Variants in RNF144A observed in about 807,000 individuals in gnomAD.
RNF144A encodes the protein ring finger protein 144A, also known as E3 ubiquitin-protein ligase RNF144A.
RNF144A carries 11 observed loss-of-function variants against 38.7 expected under a neutral mutation model. The ratio of observed to expected loss-of-function variants is 0.28; its 90% confidence interval spans 0.18 to 0.47. The LOEUF is 0.47. RNF144A is among the 20% of genes least tolerant of loss of function. The probability of loss-of-function intolerance (pLI) is 0.99; values close to 1 mark genes in which losing one functional copy is unlikely to be tolerated. For missense variants in RNF144A, 316 were observed against 377.2 expected (o/e 0.84, Z 1.34); for synonymous variants, 149 against 143.9 (o/e 1.04, Z -0.25).
At chr2:6,969,231 C>A (rs1667851790) in intron 2 of RNF144A, among the ~76,000 whole-genome samples, 1 of 152,128 alleles carries the variant, frequency 6.6e-6, no homozygotes, top group Admixed American at 6.5e-5. Flanking sequence ...AATCCTAACT[C>A]CCAGTACATC....
In RNF144A at chr2:6,958,058, G is replaced by A. The variant is rs372868515; in HGVS notation, c.-12+16911G>A. Among the ~76,000 whole-genome samples the A allele has an allele frequency of 3.9e-5, 6 of 152,226 alleles. No homozygotes were observed. The highest frequency in any genetic ancestry group is 6.5e-5 in the Admixed American group (1 of 15,290). The stretch of plus-strand genomic sequence containing the variant: ...GGAGCTCCAGGGAAGCAGATGGATC[G>A]CCGGAGGGCTGCTGTCACATTGCAT... On this transcript the variant is annotated intron_variant, in intron 2 of 8. Coordinates refer to ENST00000320892, the MANE Select transcript of RNF144A (RefSeq NM_014746.6). This position sits in a 1 kb window ranked among gnomAD's most constrained non-coding sequence, Gnocchi z 4.5.
At chr2:7,057,536 T>C (rs1673787413) in intron 6 of RNF144A, among the ~76,000 whole-genome samples, 1 of 152,238 alleles carries the variant, frequency 6.6e-6, no homozygotes, top group Non-Finnish European at 1.5e-5. Flanking sequence ...TCTCTGATTC[T>C]CAAGTTTTTT....
Position 7,040,792 on chromosome 2 carries a change from A to G in RNF144A, c.*1032A>G. The G allele has an allele frequency of 8.1e-6, 8 of 985,456 alleles. No individual in the cohort carries two copies. The highest frequency in any genetic ancestry group is 9.6e-6 in the Non-Finnish European group (8 of 829,934). 61.0% of individuals were successfully genotyped at this position (985,456 alleles called of 1,614,324 possible). A position where few individuals can be genotyped will look rare whatever the true frequency, so the allele number is the denominator to read the frequency against. On this transcript the variant is annotated 3_prime_UTR_variant, in exon 9 of 9. Coordinates refer to ENST00000320892, the MANE Select transcript of RNF144A (RefSeq NM_014746.6). ...CTAGGGAAGAGCCTGCCAGATTTTC[A>G]CATTTTTAAAATGTTCTAGTCATTT...
rs1671479040 is a variant in RNF144A, at chr2:7,020,813, T to C, written c.509+133T>C. 5 of 724,522 alleles carry C rather than the reference T, an allele frequency of 6.9e-6. No homozygotes were observed. In the South Asian group the frequency reaches 8.5e-5, roughly 12 times the overall value. 44.9% of individuals were successfully genotyped at this position (724,522 alleles called of 1,614,324 possible). A position where few individuals can be genotyped will look rare whatever the true frequency, so the allele number is the denominator to read the frequency against. ...TCAACCCTAACACACACTGTACCTCTTGAGCCTCACTCAAGCCTGTCATTA... is the reference window on the plus strand; with the variant it reads ...TCAACCCTAACACACACTGTACCTCCTGAGCCTCACTCAAGCCTGTCATTA... On this transcript the variant is annotated intron_variant, in intron 6 of 8. Coordinates refer to ENST00000320892, the MANE Select transcript of RNF144A (RefSeq NM_014746.6).
rs1284593793 is a variant in RNF144A, at chr2:7,006,876, G to A, written c.136-7578G>A. 2.6e-5 allele frequency among the ~76,000 whole-genome samples: 4 copies of A among 152,164 alleles called. No homozygotes were observed. The East Asian group carries it at 7.7e-4, about 29-fold the overall frequency. On this transcript the variant is annotated intron_variant, in intron 3 of 8. Transcript: ENST00000320892. ...AAGCATGGGCCTATACCTTGAAGTAGGCTGTCTCTGCACTAGAAATTTGAT... is the reference window on the plus strand; with the variant it reads ...AAGCATGGGCCTATACCTTGAAGTAAGCTGTCTCTGCACTAGAAATTTGAT...
chr2:7,031,299 T>C (rs380605), intron 8 of RNF144A, among the ~76,000 whole-genome samples: 66,110 of 152,112 alleles, frequency 0.43, 15,312 homozygotes, highest in South Asian at 0.76. Context: ...TGGGTACTGC[T>C]GTAGGAGCTG....
chr2:7,076,271 A>G, the RNF144A span, among the ~76,000 whole-genome samples: 1 of 152,342 alleles, frequency 6.6e-6, no homozygotes, highest in Non-Finnish European at 1.5e-5. Context: ...TTGTACTAAA[A>G]TGATACTGCA....
intron 6 of RNF144A, 184 bp downstream of exon 6, chr2:7,020,864 A>C: frequency 4.9e-6 from 3 of 607,258 alleles, no homozygotes; most frequent in Non-Finnish European, 5.8e-6. Context: ...ATTTTTGAGA[A>C]CTGACTATGT....
At chr2:6,987,041 G>A (rs16865777) in intron 2 of RNF144A, among the ~76,000 whole-genome samples, 2 of 152,200 alleles carry the variant, frequency 1.3e-5, no homozygotes, top group South Asian at 4.2e-4. Context: ...ATTCCCGGAT[G>A]GGGGTCAGAA....
In RNF144A at chr2:6,942,930, G is replaced by C. The variant is rs145686283; in HGVS notation, c.-12+1783G>C. On this transcript the variant is annotated intron_variant, in intron 2 of 8. Coordinates refer to ENST00000320892, the MANE Select transcript of RNF144A (RefSeq NM_014746.6). ...ACCTGGGAGGCGGAGGTCGCAGTGA[G>C]CTGAGTTCGTGGCATTGCACTCCAG... Among the ~76,000 whole-genome samples the C allele has an allele frequency of 2.6e-3, 392 of 152,304 alleles. 3 individuals are homozygous for C. Among genetic ancestry groups the C allele is most frequent in the African/African-American group, 8.7e-3 (360 of 41,556 alleles).
At position 7,036,164 on chromosome 2, in the gene RNF144A, A is replaced by G. The variant is rs118132334; in HGVS notation, c.748-3465A>G. 1.1e-3 allele frequency among the ~76,000 whole-genome samples: 160 copies of G among 152,286 alleles called. 1 individual carries two copies. In the East Asian group the frequency reaches 0.017, roughly 16 times the overall value. On this transcript the variant is annotated intron_variant, in intron 8 of 8. Transcript: ENST00000320892. The stretch of plus-strand genomic sequence containing the variant: ...TGCTTGCCGGCCTTTTTCCAGCGCT[A>G]TCCCAGAAATCAGCCATCGTGTGGA...
intron 2 of RNF144A, 121 bp from the exon 3 acceptor site, chr2:6,996,795 C>A (rs11898648): frequency 0.28 from 259,245 of 938,706 alleles, 38,099 homozygotes; most frequent in African/African-American, 0.39. Flanking sequence ...ATGCTCTAGG[C>A]TCCATCAGCA....
In RNF144A at chr2:7,043,625, C is replaced by CA; in HGVS notation, c.*3870dup. On this transcript the variant is annotated 3_prime_UTR_variant, in exon 9 of 9. Coordinates refer to ENST00000320892, the MANE Select transcript of RNF144A (RefSeq NM_014746.6). ...ATGAAGGGATTATGACAGGTATTAC[C>CA]AAAAACACCAAAAGGAACAAAGGGG... is the stretch of plus-strand genomic sequence containing the variant. The CA allele has an allele frequency of 2.0e-6, 2 of 985,670 alleles. No individual in the cohort carries two copies. Among genetic ancestry groups the CA allele is most frequent in the Non-Finnish European group, 2.4e-6 (2 of 829,812 alleles). 61.1% of individuals were successfully genotyped at this position (985,670 alleles called of 1,614,324 possible). A position where few individuals can be genotyped will look rare whatever the true frequency, so the allele number is the denominator to read the frequency against.
intron 6 of RNF144A, among the ~76,000 whole-genome samples, chr2:7,058,478 C>T (rs1347286843): frequency 5.9e-5 from 9 of 151,956 alleles, no homozygotes; most frequent in East Asian, 5.8e-4. Flanking sequence ...CAAATTGTGG[C>T]CATCAACTCT....
intron 6 of RNF144A, among the ~76,000 whole-genome samples, chr2:7,061,773 G>T (rs1301134933): frequency 6.6e-6 from 1 of 152,114 alleles, no homozygotes; most frequent in African/African-American, 2.4e-5. Context: ...AGTTTTTAGA[G>T]GATAATATAA....
rs1220813980 is a variant in RNF144A at position 6,917,824 on chromosome 2, A to G, written c.-212+202A>G. ...GGGACTCGCGGGCTCCGTTCAGAGG[A>G]CGCCCGCCCTGCCCTGCCCGTGTCC... On this transcript the variant is annotated intron_variant, in intron 1 of 8. Coordinates refer to ENST00000320892, the MANE Select transcript of RNF144A (RefSeq NM_014746.6). This position sits in a 1 kb window ranked among gnomAD's most constrained non-coding sequence, Gnocchi z 4.8. Among the ~76,000 whole-genome samples, 8 of 150,130 alleles carry G rather than the reference A, an allele frequency of 5.3e-5. No individual in the cohort carries two copies. In the South Asian group the frequency reaches 6.2e-4, roughly 12 times the overall value.
Position 7,042,457 on chromosome 2 carries a change from G to A in RNF144A, c.*2697G>A. The A allele has an allele frequency of 1.0e-6, 1 of 985,502 alleles. No homozygotes were observed. The highest frequency in any genetic ancestry group is 1.2e-6 in the Non-Finnish European group (1 of 829,954). 61.0% of individuals were successfully genotyped at this position (985,502 alleles called of 1,614,324 possible). On this transcript the variant is annotated 3_prime_UTR_variant, in exon 9 of 9. Coordinates refer to ENST00000320892, the MANE Select transcript of RNF144A (RefSeq NM_014746.6). ...GCATATGGCATGTGTTCACTAAGAG[G>A]CCTTTAATCCTGGGGAGTAAGGGGC... is the stretch of plus-strand genomic sequence containing the variant.
chr2:6,941,844 CAGCTGGAGG>C lies in RNF144A; in HGVS notation c.-12+701_-12+709del, dbSNP rs1472753369. ...AGGGCTGGTGGCTGCAGCATACGGA[CAGCTGGAGG>C]AGCACCCAGGCCAGCCTGGCTGGAA... is the stretch of plus-strand genomic sequence containing the variant. On this transcript the variant is annotated intron_variant, in intron 2 of 8. Coordinates refer to ENST00000320892, the MANE Select transcript of RNF144A (RefSeq NM_014746.6). The surrounding 1 kb of genome is among the most constrained non-coding windows in gnomAD (Gnocchi z 6.5). 3.3e-5 allele frequency among the ~76,000 whole-genome samples: 5 copies of C among 152,326 alleles called. No homozygotes were observed. Among genetic ancestry groups the C allele is most frequent in the African/African-American group, 1.2e-4 (5 of 41,586 alleles).
At chr2:7,062,513 A>G (rs936469590) in intron 6 of RNF144A, among the ~76,000 whole-genome samples, 20 of 151,884 alleles carry the variant, frequency 1.3e-4, no homozygotes, top group South Asian at 2.1e-4. Context: ...AAAAAAAAAA[A>G]AAAAGAAAGA....
Sources: allele counts gnomAD v4.1 joint callset (sites outside exome capture counted in the v4.1 genomes callset), GRCh38; gene constraint gnomAD v4.1.1; non-coding constraint Gnocchi (gnomAD v3.1); transcripts MANE v1.5; gene names NCBI Gene and HGNC (gene_info 2026-07-23, HGNC 2026-07-21).